Variants in PPP2R5C observed in about 807,000 individuals in gnomAD.
The protein encoded by PPP2R5C is serine/threonine-protein phosphatase 2A 56 kDa regulatory subunit gamma isoform.
Under a neutral mutation model 68.9 loss-of-function variants are expected in PPP2R5C, and 7 were observed. The ratio of observed to expected loss-of-function variants is 0.10; its 90% CI spans 0.06 to 0.19. The LOEUF (loss-of-function observed/expected upper bound fraction) is 0.19. Ranked by LOEUF, PPP2R5C falls within the 10% of genes least tolerant of loss-of-function variation. PPP2R5C has a pLI of 1.00. For synonymous variants in PPP2R5C, 210 were observed against 222.2 expected, an observed-to-expected ratio of 0.95 and a Z score of 0.49; for missense variants, 348 against 641.3, an observed-to-expected ratio of 0.54 and a Z score of 4.94.
intron 1 of PPP2R5C, chr14:101,843,502 CT>C: frequency 5.6e-6 from 1 of 177,528 alleles, no homozygotes. Flanking sequence ...AGAGAACCAC[CT>C]TTTGCTATAC....
intron 6 of PPP2R5C, among the ~76,000 whole-genome samples, chr14:101,890,781 T>C (rs2044828928): frequency 7.0e-6 from 1 of 143,434 alleles, no homozygotes; most frequent in African/African-American, 2.6e-5. Context: ...TTTTTTTTTT[T>C]TTTTTTTCTT....
intron 1 of PPP2R5C, among the ~76,000 whole-genome samples, chr14:101,846,637 T>G (rs1358868256): frequency 6.6e-6 from 1 of 152,202 alleles, no homozygotes; most frequent in African/African-American, 2.4e-5. Context: ...TTGTAGAAGC[T>G]TGGATTTATA....
chr14:101,781,355 G>A lies in PPP2R5C; in HGVS notation c.94-4663G>A, dbSNP rs943996887. ...CTCAACCCGCCCTGCGCCTCCCGGT[G>A]GCACAGCGACCTTGGCGGCTTTGGC... On this transcript the variant is annotated intron_variant, in intron 2 of 14. Transcript: ENST00000328724. The surrounding 1 kb of genome is among the most constrained non-coding windows in gnomAD (Gnocchi z 6.4). Among the ~76,000 whole-genome samples, 1 of 152,214 alleles carries A rather than the reference G, an allele frequency of 6.6e-6. No individual in the cohort carries two copies. The highest frequency in any genetic ancestry group is 2.4e-5 in the African/African-American group (1 of 41,454).
intron 3 of PPP2R5C, among the ~76,000 whole-genome samples, chr14:101,793,836 G>C (rs557645499): frequency 6.6e-6 from 1 of 152,328 alleles, no homozygotes; most frequent in East Asian, 1.9e-4. Flanking sequence ...GGGAAGGGAA[G>C]CTAAAAAGGA....
chr14:101,874,858 G>T (rs2043657418), intron 2 of PPP2R5C, among the ~76,000 whole-genome samples: 1 of 152,064 alleles, frequency 6.6e-6, no homozygotes, highest in Admixed American at 6.5e-5. Flanking sequence ...TCCTGCCCCA[G>T]CCTCCAGAGT....
In PPP2R5C at chr14:101,797,031, T is replaced by C; in HGVS notation, c.259+10848T>C. The C allele has an allele frequency of 2.4e-6, 1 of 411,234 alleles. No individual in the cohort carries two copies. Among genetic ancestry groups the C allele is most frequent in the South Asian group, 1.8e-5 (1 of 55,992 alleles). 25.5% of individuals were successfully genotyped at this position (411,234 alleles called of 1,614,324 possible). A position where few individuals can be genotyped will look rare whatever the true frequency, so the allele number is the denominator to read the frequency against. On this transcript the variant is annotated intron_variant, in intron 3 of 14. Coordinates refer to the PPP2R5C transcript ENST00000328724. This position sits in a 1 kb window ranked among gnomAD's most constrained non-coding sequence, Gnocchi z 4.2. ...AAATGCTGTACACCCATCACTACTA[T>C]CTCTACCCAAAACTTTTCATCATCC...
At chr14:101,848,329 G>A (rs979909740) in intron 1 of PPP2R5C, among the ~76,000 whole-genome samples, 4 of 151,964 alleles carry the variant, frequency 2.6e-5, no homozygotes, top group East Asian at 3.9e-4. Context: ...TCAGGGGTTC[G>A]AGACCAGCCT....
chr14:101,849,304 A>G (rs943774328), intron 1 of PPP2R5C, among the ~76,000 whole-genome samples: 1 of 152,110 alleles, frequency 6.6e-6, no homozygotes, highest in African/African-American at 2.4e-5. Flanking sequence ...TGTATCCTCA[A>G]CACCACTGAT....
intron 2 of PPP2R5C, among the ~76,000 whole-genome samples, chr14:101,861,808 G>C (rs968366362): frequency 2.0e-5 from 3 of 152,164 alleles, no homozygotes; most frequent in African/African-American, 7.2e-5. Flanking sequence ...TTGAATATTT[G>C]GCAGGCATCT....
chr14:101,800,372 G>A (rs896772516), intron 3 of PPP2R5C, among the ~76,000 whole-genome samples: 1 of 152,094 alleles, frequency 6.6e-6, no homozygotes, highest in Non-Finnish European at 1.5e-5. Flanking sequence ...GACCAGCCTG[G>A]GCAACAAGGC....
chr14:101,832,844 C>T (rs1360818054), intron 1 of PPP2R5C, among the ~76,000 whole-genome samples: 1 of 152,208 alleles, frequency 6.6e-6, no homozygotes, highest in Non-Finnish European at 1.5e-5. Flanking sequence ...TCTCTGCATG[C>T]TCTTCTGCAT....
chr14:101,910,720 C>T (rs753571053), intron 11 of PPP2R5C, among the ~76,000 whole-genome samples: 2 of 152,120 alleles, frequency 1.3e-5, no homozygotes, highest in African/African-American at 4.8e-5. Context: ...GTAATCCCAG[C>T]GCTTTGGGAG....
intron 9 of PPP2R5C, among the ~76,000 whole-genome samples, chr14:101,902,887 C>G (rs1427565522): frequency 1.3e-5 from 2 of 152,154 alleles, no homozygotes; most frequent in East Asian, 3.8e-4. Flanking sequence ...TGAGGCCAGG[C>G]TGAGTCGGGT....
At position 101,818,941 on chromosome 14, in the gene PPP2R5C, A is replaced by G. The variant is rs945983604; in HGVS notation, c.94+8905A>G. 8 of 1,388,444 alleles carry G rather than the reference A, an allele frequency of 5.8e-6. No homozygotes were observed. In the African/African-American group the frequency reaches 1.0e-4, roughly 18 times the overall value. The allele number at this position is 1,388,444 out of a possible 1,614,324, so 86.0% of individuals were successfully genotyped here. ...GTGTTACTCATGAGCAATGTGTTCTAATTATGGTATTTTAACTTATAACTT... is the reference window on the plus strand; with the variant it reads ...GTGTTACTCATGAGCAATGTGTTCTGATTATGGTATTTTAACTTATAACTT... On this transcript the variant is annotated intron_variant, in intron 1 of 13. Transcript: ENST00000334743.
In PPP2R5C at chr14:101,812,082, G is replaced by A. The variant is rs929919470; in HGVS notation, c.94+2046G>A. 3.3e-5 allele frequency among the ~76,000 whole-genome samples: 5 copies of A among 152,274 alleles called. No individual in the cohort carries two copies. In the South Asian group the frequency reaches 6.2e-4, roughly 19 times the overall value. ...TTTCTAACTTCAAAATTTGAAGAAC[G>A]CTTGATTTACTCATAAAGACTTTTC... On this transcript the variant is annotated intron_variant, in intron 1 of 13. Coordinates refer to ENST00000334743, the Ensembl canonical transcript of PPP2R5C.
chr14:101,920,862 C>A (rs1267198444), intron 13 of PPP2R5C, among the ~76,000 whole-genome samples: 3 of 151,982 alleles, frequency 2.0e-5, no homozygotes, highest in African/African-American at 7.2e-5. Context: ...ACCTCCTGGG[C>A]TCAGGCGATC....
chr14:101,811,752 T>C (rs2039374807), intron 1 of PPP2R5C, among the ~76,000 whole-genome samples: 2 of 152,228 alleles, frequency 1.3e-5, no homozygotes, highest in Admixed American at 6.5e-5. Context: ...TAAATCTTTT[T>C]GGTTTGTGTT....
chr14:101,884,983 A>G (rs1223899889), intron 5 of PPP2R5C, among the ~76,000 whole-genome samples: 2 of 152,256 alleles, frequency 1.3e-5, no homozygotes, highest in Non-Finnish European at 2.9e-5. Flanking sequence ...AGTTTCTTCT[A>G]CAAGTTACAG....
chr14:101,926,215 C>G (rs1405473119), exon 14 of PPP2R5C: 1 of 152,272 alleles, frequency 6.6e-6, no homozygotes, highest in African/African-American at 2.4e-5. Flanking sequence ...ATGCAAACTG[C>G]AGCGCCTTTA....
Sources: gnomAD v4.1 joint callset for allele counts (sites outside exome capture counted in the v4.1 genomes callset) on GRCh38, gnomAD v4.1.1 for gene constraint, Gnocchi (gnomAD v3.1) non-coding constraint, MANE v1.5 for transcripts, NCBI Gene and HGNC (gene_info 2026-07-23, HGNC 2026-07-21) for gene names.